The following CLEC16A variants were observed in gnomAD, a reference collection of about 807,000 sequenced individuals.
CLEC16A encodes protein CLEC16A.
CLEC16A carries 51 observed loss-of-function variants against 109.5 expected under a neutral mutation model. The observed-to-expected ratio is 0.47, with a 90% CI of 0.37 to 0.59. CLEC16A has a LOEUF of 0.59. Ranked by LOEUF, CLEC16A falls within the 20% of genes least tolerant of loss-of-function variation. The probability of loss-of-function intolerance (pLI) is 0.00; values close to 1 mark genes in which losing one functional copy is unlikely to be tolerated. For missense variants in CLEC16A, 1,339 were observed against 1,394.0 expected (o/e 0.96, Z 0.63); for synonymous variants, 673 against 564.2 (o/e 1.19, Z -2.73).
chr16:11,016,627 C>T (rs1052964005), intron 11 of CLEC16A, among the ~76,000 whole-genome samples: 43 of 152,296 alleles, frequency 2.8e-4, no homozygotes, highest in Admixed American at 2.0e-4. Flanking sequence ...TGAGCCTCCA[C>T]GCCCAGCCCA....
intron 22 of CLEC16A, among the ~76,000 whole-genome samples, chr16:11,128,262 G>T (rs1266887570): frequency 6.6e-6 from 1 of 152,216 alleles, no homozygotes; most frequent in Non-Finnish European, 1.5e-5. Flanking sequence ...TTCTCTGTTT[G>T]CAGAATGCTT....
In CLEC16A at chr16:10,944,624, C is replaced by A; in HGVS notation, c.-94C>A. 1.6e-6 allele frequency: 2 copies of A among 1,230,228 alleles called. No homozygotes were observed. Among genetic ancestry groups the A allele is most frequent in the Non-Finnish European group, 2.3e-6 (2 of 874,828 alleles). The allele number at this position is 1,230,228 out of a possible 1,614,324, so 76.2% of individuals were successfully genotyped here. ...GCGGTTCCTCCACCGCCTCCGCCGC[C>A]GCATCCTCCGCTTGTGCTACCGCCG... is the stretch of plus-strand genomic sequence containing the variant. On this transcript the variant is annotated 5_prime_UTR_variant, in exon 1 of 24. Coordinates refer to ENST00000409790, the MANE Select transcript of CLEC16A (RefSeq NM_015226.3).
Position 11,065,864 on chromosome 16 carries a change from C to G in CLEC16A, c.2116+4842C>G, listed in dbSNP as rs193283571. On this transcript the variant is annotated intron_variant, in intron 19 of 23. Coordinates refer to ENST00000409790, the MANE Select transcript of CLEC16A (RefSeq NM_015226.3). ...CACAGAAACTTGGGTGGCTGGCACA[C>G]AAGTAGCAAGAGTGGGTCAGTGGCT... is the stretch of plus-strand genomic sequence containing the variant. Among the ~76,000 whole-genome samples, 67 of 152,336 alleles carry G rather than the reference C, an allele frequency of 4.4e-4. 2 individuals carry two copies. Among genetic ancestry groups the G allele is most frequent in the South Asian group, 3.1e-3 (15 of 4,828 alleles).
intron 1 of CLEC16A, among the ~76,000 whole-genome samples, chr16:10,947,877 C>A (rs923262298): frequency 6.6e-6 from 1 of 151,514 alleles, no homozygotes; most frequent in Non-Finnish European, 1.5e-5. Context: ...TTTAAATACA[C>A]AAGGCATCTG....
intron 10 of CLEC16A, among the ~76,000 whole-genome samples, chr16:10,998,104 T>C (rs1170835504): frequency 6.6e-6 from 1 of 152,214 alleles, no homozygotes; most frequent in Non-Finnish European, 1.5e-5. Context: ...CCATGAAAGA[T>C]TGATCCCTGG....
intron 19 of CLEC16A, among the ~76,000 whole-genome samples, chr16:11,116,286 T>C (rs2051986393): frequency 6.6e-6 from 1 of 151,152 alleles, no homozygotes; most frequent in African/African-American, 2.4e-5. Context: ...TCCTAGCTAT[T>C]AGGGAGGCTG....
chr16:11,144,465 A>C (rs1037368229), intron 22 of CLEC16A, among the ~76,000 whole-genome samples: 4 of 151,940 alleles, frequency 2.6e-5, no homozygotes, highest in Non-Finnish European at 5.9e-5. Context: ...GGAACCTCAC[A>C]ATGGCAAAGA....
intron 7 of CLEC16A, among the ~76,000 whole-genome samples, chr16:10,974,360 C>T (rs2042940335): frequency 6.6e-6 from 1 of 152,102 alleles, no homozygotes; most frequent in African/African-American, 2.4e-5. Context: ...TTTTAAAAAA[C>T]AGATTAGGAT....
Position 11,121,865 on chromosome 16 carries a change from G to A in CLEC16A, c.2268+1099G>A, listed in dbSNP as rs1186466309. Among the ~76,000 whole-genome samples the A allele has an allele frequency of 9.6e-5, 12 of 125,236 alleles. 1 individual carries two copies. The Admixed American group carries it at 1.1e-3, about 11-fold the overall frequency. 82.2% of individuals were successfully genotyped at this position (125,236 alleles called of 152,430 possible). On this transcript the variant is annotated intron_variant, in intron 20 of 23. Transcript: ENST00000409790. ...ACTGCACTCCAGCCTGGGCGGCAGA[G>A]TGAGACCCTGTCTCAAAAAAAAAAA... is the stretch of plus-strand genomic sequence containing the variant.
intron 4 of CLEC16A, 97 bp from the exon 5 acceptor site, chr16:10,971,026 GTC>G: frequency 1.5e-5 from 5 of 330,862 alleles, no homozygotes; most frequent in East Asian, 4.8e-5. Flanking sequence ...TTTTTTTTTT[GTC>G]TTTTTCTGAA....
chr16:11,067,166 TG>T lies in CLEC16A; in HGVS notation c.2116+6146del, dbSNP rs1239409654. ...GTTGTTGTTGTGGGGGTTTTTTTTT[TG>T]GTTTTTTTTTTGTTTGTTTTTGTTT... On this transcript the variant is annotated intron_variant, in intron 19 of 23. Transcript: ENST00000409790. Among the ~76,000 whole-genome samples, 919 of 144,598 alleles carry T rather than the reference TG, an allele frequency of 6.4e-3. 8 individuals are homozygous for T. The highest frequency in any genetic ancestry group is 0.024 in the Middle Eastern group (7 of 288). 94.9% of individuals were successfully genotyped at this position (144,598 alleles called of 152,430 possible). A position where few individuals can be genotyped will look rare whatever the true frequency, so the allele number is the denominator to read the frequency against.
At chr16:11,147,822 A>C (rs1196783274) in intron 22 of CLEC16A, among the ~76,000 whole-genome samples, 2 of 152,230 alleles carry the variant, frequency 1.3e-5, no homozygotes, top group African/African-American at 4.8e-5. Flanking sequence ...AGTTCAATGT[A>C]TGTAACATTT....
At chr16:11,013,479 ATGAGGCCAGGTGTGCTGGC>A (rs2045559908) in intron 11 of CLEC16A, among the ~76,000 whole-genome samples, 1 of 152,080 alleles carries the variant, frequency 6.6e-6, no homozygotes, top group Non-Finnish European at 1.5e-5. Context: ...AAATACAAAA[ATGAGGCCAGGTGTGCTGGC>A]TCACACCTGT....
At chr16:11,089,127 T>C (rs543134595) in intron 19 of CLEC16A, among the ~76,000 whole-genome samples, 1 of 152,276 alleles carries the variant, frequency 6.6e-6, no homozygotes, top group South Asian at 2.1e-4. Context: ...CCTCGGGCTG[T>C]CTTGTTCACC....
chr16:11,000,854 G>A (rs1214210068), intron 10 of CLEC16A, among the ~76,000 whole-genome samples: 1 of 152,130 alleles, frequency 6.6e-6, no homozygotes, highest in Admixed American at 6.5e-5. Context: ...TCCATTTATT[G>A]GCAAGGTACG....
chr16:11,019,868 A>G (rs567983739), intron 11 of CLEC16A, among the ~76,000 whole-genome samples: 1 of 152,316 alleles, frequency 6.6e-6, no homozygotes, highest in South Asian at 2.1e-4. Context: ...GCTGCCTGAA[A>G]TCCTTTGGGA....
chr16:11,103,291 T>C lies in CLEC16A; in HGVS notation c.2117-17324T>C, dbSNP rs1234791922. Among the ~76,000 whole-genome samples, 3 of 152,220 alleles carry C rather than the reference T, an allele frequency of 2.0e-5. No individual in the cohort carries two copies. In the East Asian group the frequency reaches 5.8e-4, roughly 29 times the overall value. ...TTCTTTCAAGATCAATTTAAAACAT[T>C]ACCTCCTGACTGGGCACAGGGCTCA... On this transcript the variant is annotated intron_variant, in intron 19 of 23. Coordinates refer to ENST00000409790, the MANE Select transcript of CLEC16A (RefSeq NM_015226.3).
chr16:10,944,827 C>T (rs760627236), intron 1 of CLEC16A, 30 bp downstream of exon 1: 11 of 1,563,180 alleles, frequency 7.0e-6, no homozygotes, highest in Non-Finnish European at 8.7e-6. Context: ...CGGGAGGCCT[C>T]GGGGCTGGAC....
At chr16:11,124,030 C>T in intron 21 of CLEC16A, 84 bp downstream of exon 21, 1 of 1,227,940 alleles carries the variant, frequency 8.1e-7, no homozygotes, top group East Asian at 2.5e-5. Flanking sequence ...ACCTTGAGAA[C>T]CCCCATAGCA....
Sources: gnomAD v4.1 joint callset for allele counts (sites outside exome capture counted in the v4.1 genomes callset) on GRCh38, gnomAD v4.1.1 for gene constraint, MANE v1.5 for transcripts, NCBI Gene and HGNC (gene_info 2026-07-23, HGNC 2026-07-21) for gene names.